RASGEF1A: variants seen among roughly 807,000 people sequenced by gnomAD.
RASGEF1A encodes RasGEF domain family member 1A.
Under a neutral mutation model 56.4 loss-of-function variants are expected in RASGEF1A, and 18 were observed. That is an observed-to-expected ratio of 0.32 (90% CI 0.22 to 0.47). The LOEUF (loss-of-function observed/expected upper bound fraction) is 0.47, where lower values mean the gene tolerates loss of function less well. RASGEF1A is among the 20% of genes least tolerant of loss of function. The pLI, the probability that RASGEF1A is intolerant of heterozygous loss-of-function variation, is 1.00. For synonymous variants in RASGEF1A, 245 were observed against 242.6 expected, an observed-to-expected ratio of 1.01 and a Z score of -0.09; for missense variants, 422 against 627.1, an observed-to-expected ratio of 0.67 and a Z score of 3.49.
At chr10:43,203,820 G>A (rs1156938678) in intron 2 of RASGEF1A, 3 of 1,014,868 alleles carry the variant, frequency 3.0e-6, no homozygotes, top group Non-Finnish European at 3.5e-6. Context: ...GGAGGTCAGC[G>A]GTGGGGAGGG....
In RASGEF1A at chr10:43,249,013, G is replaced by A. The variant is rs139895378; in HGVS notation, c.-7+17832C>T. Among the ~76,000 whole-genome samples, 1,324 of 152,272 alleles carry A rather than the reference G, an allele frequency of 8.7e-3. 79 individuals are homozygous for A. Among genetic ancestry groups the A allele is most frequent in the Admixed American group, 0.079 (1,207 of 15,294 alleles). ...GTGATAATATGGGCCAGCTGGAGAA[G>A]GCTCCTCAGATGAGGTGACTTCTCA... On this transcript the variant is annotated intron_variant, in intron 1 of 12. Transcript: ENST00000395810.
intron 3 of RASGEF1A, among the ~76,000 whole-genome samples, chr10:43,202,970 A>T (rs1588928850): frequency 1.3e-5 from 1 of 77,960 alleles, no homozygotes; most frequent in Non-Finnish European, 2.5e-5. Flanking sequence ...CCACAGCCCC[A>T]GCCAGGCCAC....
chr10:43,227,705 C>T (rs1840299337), intron 1 of RASGEF1A, among the ~76,000 whole-genome samples: 2 of 152,128 alleles, frequency 1.3e-5, no homozygotes, highest in African/African-American at 4.8e-5. Context: ...TCTCCCTGGA[C>T]TCTAGACTGC....
At chr10:43,206,468 G>A (rs1035270811) in intron 1 of RASGEF1A, among the ~76,000 whole-genome samples, 3 of 152,236 alleles carry the variant, frequency 2.0e-5, no homozygotes, top group Admixed American at 6.5e-5. Context: ...GGGTGAGAGG[G>A]CTGTGAACAA....
chr10:43,238,507 C>A (rs1387070033), intron 1 of RASGEF1A, among the ~76,000 whole-genome samples: 1 of 152,218 alleles, frequency 6.6e-6, no homozygotes, highest in Non-Finnish European at 1.5e-5. Context: ...GGTTCCCCAG[C>A]CTCCTTGTTC....
intron 1 of RASGEF1A, among the ~76,000 whole-genome samples, chr10:43,263,829 C>T (rs1026318342): frequency 3.9e-5 from 6 of 152,188 alleles, no homozygotes; most frequent in Admixed American, 6.5e-5. Flanking sequence ...CCGGGACAAC[C>T]GGACTACTCT....
chr10:43,195,966 ATTT>A lies in RASGEF1A; in HGVS notation c.*275_*277del, dbSNP rs1839790195. The A allele has an allele frequency of 3.6e-6, 1 of 276,864 alleles. No individual in the cohort carries two copies. Among genetic ancestry groups the A allele is most frequent in the African/African-American group, 2.2e-5 (1 of 45,642 alleles). 17.2% of individuals were successfully genotyped at this position (276,864 alleles called of 1,614,324 possible). Reference sequence around the variant, plus strand: ...TCAAAAGTAGAAAATAAAAATCTACATTTCATTAGAATAAGATGTTATCATGGA... The same window carrying A: ...TCAAAAGTAGAAAATAAAAATCTACACATTAGAATAAGATGTTATCATGGA... On this transcript the variant is annotated 3_prime_UTR_variant, in exon 13 of 13. Transcript: ENST00000395810. This position sits in a 1 kb window ranked among gnomAD's most constrained non-coding sequence, Gnocchi z 4.2.
chr10:43,266,071 C>T (rs1306609780), intron 1 of RASGEF1A, among the ~76,000 whole-genome samples: 3 of 152,200 alleles, frequency 2.0e-5, no homozygotes, highest in Admixed American at 1.3e-4. Context: ...AGGCAGGCAG[C>T]GGCCTCTCTG....
At chr10:43,262,163 C>T (rs915381907) in intron 1 of RASGEF1A, among the ~76,000 whole-genome samples, 5 of 152,232 alleles carry the variant, frequency 3.3e-5, no homozygotes, top group Admixed American at 1.3e-4. Flanking sequence ...TTTGGGCAGC[C>T]TTGGTGGGGG....
At chr10:43,203,484 G>A in intron 2 of RASGEF1A, 64 bp from the exon 3 acceptor site, 1 of 1,460,976 alleles carries the variant, frequency 6.8e-7, no homozygotes, top group Non-Finnish European at 9.1e-7. Context: ...GGCTCACCGC[G>A]CTGCTTCACC....
intron 2 of RASGEF1A, 30 bp downstream of exon 2, chr10:43,205,889 G>C: frequency 1.3e-6 from 2 of 1,572,322 alleles, no homozygotes; most frequent in Non-Finnish European, 1.7e-6. Flanking sequence ...CACCCCATTA[G>C]TCTCACTCCA....
chr10:43,249,983 G>A (rs1032684384), intron 1 of RASGEF1A, among the ~76,000 whole-genome samples: 5 of 152,230 alleles, frequency 3.3e-5, no homozygotes, highest in African/African-American at 1.2e-4. Context: ...CCCCTGGGGA[G>A]AGGGCACAGT....
chr10:43,199,291 G>A (rs905616443), intron 7 of RASGEF1A, 97 bp from the exon 8 acceptor site: 2 of 931,284 alleles, frequency 2.1e-6, no homozygotes, highest in Non-Finnish European at 3.4e-6. Context: ...AGGACCTCGG[G>A]ACTTAGCTTC....
In RASGEF1A at chr10:43,203,957, G is replaced by GGCCCCATCAGCAGGGGCGGA. The variant is rs1839955509; in HGVS notation, c.199-538_199-537insTCCGCCCCTGCTGATGGGGC. On this transcript the variant is annotated intron_variant, in intron 2 of 12. Coordinates refer to ENST00000395810, the MANE Select transcript of RASGEF1A (RefSeq NM_145313.4). ...GGCGGGGCCCCATCAGCAGGGGCGG[G>GGCCCCATCAGCAGGGGCGGA]GCCTCAGGGGCAATGCTGGTGGGGG... 4 of 157,602 alleles carry GGCCCCATCAGCAGGGGCGGA rather than the reference G, an allele frequency of 2.5e-5. No homozygotes were observed. In the East Asian group the frequency reaches 7.7e-4, roughly 30 times the overall value. The allele number at this position is 157,602 out of a possible 1,614,324, so 9.8% of individuals were successfully genotyped here. A position where few individuals can be genotyped will look rare whatever the true frequency, so the allele number is the denominator to read the frequency against.
chr10:43,224,970 A>G (rs1031567984), intron 1 of RASGEF1A, among the ~76,000 whole-genome samples: 3 of 152,086 alleles, frequency 2.0e-5, no homozygotes, highest in African/African-American at 7.3e-5. Context: ...GTCTGTGTGG[A>G]GCTGTTACAG....
chr10:43,266,636 G>A (rs1003826739), intron 1 of RASGEF1A, among the ~76,000 whole-genome samples: 2 of 148,382 alleles, frequency 1.3e-5, no homozygotes, highest in African/African-American at 2.4e-5. Flanking sequence ...GGAGTTCTCA[G>A]CAACTCCGCG....
In RASGEF1A at chr10:43,196,073, C is replaced by A; in HGVS notation, c.*171G>T. On this transcript the variant is annotated 3_prime_UTR_variant, in exon 13 of 13. Transcript: ENST00000395810. This position sits in a 1 kb window ranked among gnomAD's most constrained non-coding sequence, Gnocchi z 4.6. ...TGTTATTTAAAATAAACAAAAAAAA[C>A]TTTGTAAGTGCCAAAGGTTGATGCG... 1.7e-6 allele frequency: 1 copy of A among 578,814 alleles called. No homozygotes were observed. The allele number at this position is 578,814 out of a possible 1,614,324, so 35.9% of individuals were successfully genotyped here. A position where few individuals can be genotyped will look rare whatever the true frequency, so the allele number is the denominator to read the frequency against.
chr10:43,250,695 C>T (rs559163249), intron 1 of RASGEF1A, among the ~76,000 whole-genome samples: 2 of 152,316 alleles, frequency 1.3e-5, no homozygotes, highest in East Asian at 3.9e-4. Context: ...TCCACAGAGG[C>T]TCCTTGCTTA....
intron 1 of RASGEF1A, chr10:43,229,623 C>T: frequency 2.0e-6 from 3 of 1,492,250 alleles, no homozygotes; most frequent in Non-Finnish European, 2.7e-6. Context: ...CGCCTGGGCC[C>T]GCCGCAGCCC....
Sources: gnomAD v4.1 joint callset for allele counts (sites outside exome capture counted in the v4.1 genomes callset) on GRCh38, gnomAD v4.1.1 for gene constraint, Gnocchi (gnomAD v3.1) non-coding constraint, MANE v1.5 for transcripts, NCBI Gene and HGNC (gene_info 2026-07-23, HGNC 2026-07-21) for gene names.